Variants in DENND2D observed in about 807,000 individuals in gnomAD.
DENND2D encodes the protein DENN domain containing 2D, also known as DENN domain-containing protein 2D.
A neutral mutation model predicts 59.8 loss-of-function variants in DENND2D; 37 were observed. That is an observed-to-expected ratio of 0.62 (90% CI 0.48 to 0.81). The LOEUF is 0.81. DENND2D is among the 40% of genes least tolerant of loss of function. The probability of loss-of-function intolerance (pLI) is 0.00; values close to 1 mark genes in which losing one functional copy is unlikely to be tolerated. For synonymous variants in DENND2D, 219 were observed against 211.3 expected, an observed-to-expected ratio of 1.04 and a Z score of -0.31; for missense variants, 525 against 579.7, an observed-to-expected ratio of 0.91 and a Z score of 0.97.
Position 111,197,841 on chromosome 1 carries a change from GC to G in DENND2D, c.426+78del. On this transcript the variant is annotated intron_variant, in intron 4 of 11. Transcript: ENST00000357640. ...GTGCTGCCAATAAGCCCGGAGTTTT[GC>G]AGCTCAGGCTTGAGCAAGCCCAGCC... 1.2e-5 allele frequency: 19 copies of G among 1,596,426 alleles called. 1 individual carries two copies. In the South Asian group the frequency reaches 2.0e-4, roughly 17 times the overall value.
At chr1:111,202,274 T>C (rs1052341521), upstream of DENND2D, 1 of 152,116 alleles carries the variant, frequency 6.6e-6, no homozygotes, top group Non-Finnish European at 1.5e-5. Context: ...TAATAAATCA[T>C]TGACAAAAGA....
chr1:111,194,059 G>A (rs1658001804), intron 7 of DENND2D, among the ~76,000 whole-genome samples: 1 of 152,184 alleles, frequency 6.6e-6, no homozygotes, highest in Non-Finnish European at 1.5e-5. Context: ...ATAGCTAAAG[G>A]TAGAAGAACT....
At chr1:111,192,023 C>CAGGCTCCA (rs1657822075) in intron 8 of DENND2D, 117 bp downstream of exon 8, 13 of 978,850 alleles carry the variant, frequency 1.3e-5, no homozygotes, top group Non-Finnish European at 1.9e-5. Flanking sequence ...TGAGAAAGCT[C>CAGGCTCCA]AGGCTTAAAG....
At chr1:111,193,347 C>T (rs1002303302) in intron 7 of DENND2D, among the ~76,000 whole-genome samples, 4 of 152,142 alleles carry the variant, frequency 2.6e-5, no homozygotes, top group African/African-American at 4.8e-5. Flanking sequence ...AGAAAGTAAA[C>T]GTCTGAGAGG....
upstream of DENND2D, among the ~76,000 whole-genome samples, chr1:111,202,993 G>A (rs1460665402): frequency 6.6e-6 from 1 of 152,206 alleles, no homozygotes; most frequent in Admixed American, 6.5e-5. Context: ...CATTCACACA[G>A]ATGTCCCAGG....
chr1:111,194,666 A>G lies in DENND2D; in HGVS notation c.706T>C (p.Leu236=). 5 of 1,614,114 alleles carry G rather than the reference A, an allele frequency of 3.1e-6. No homozygotes were observed. The highest frequency in any genetic ancestry group is 4.2e-6 in the Non-Finnish European group (5 of 1,180,004). ...HLEHVDFSSL[L]HCLSFEQILQ... ...ATCTGTTCAAAACTGAGACAGTGCA[A>G]TAGAGAACTAAAATCCACATGTTCT... Residue 236 remains leucine (L), a synonymous_variant, in exon 7 of 12, where the codon TTG becomes CTG. Transcript: ENST00000357640.
At chr1:111,194,797 C>T (rs1013412742) in intron 6 of DENND2D, 71 bp from the exon 7 acceptor site, 2 of 1,515,998 alleles carry the variant, frequency 1.3e-6, no homozygotes, top group Admixed American at 1.8e-5. Flanking sequence ...GGTGCTAGGC[C>T]TCTACCAGCC....
Position 111,192,305 on chromosome 1 carries a change from C to A in DENND2D, c.807G>T (p.Gln269His), listed in dbSNP as rs763768849. 1 of 1,605,948 alleles carries A rather than the reference C, an allele frequency of 6.2e-7. No homozygotes were observed. Among genetic ancestry groups the A allele is most frequent in the Non-Finnish European group, 8.5e-7 (1 of 1,174,814 alleles). The change falls in exon 8 of 12, where the codon CAG (glutamine) becomes CAT (histidine). Residue 269 changes from glutamine to histidine, a missense_variant. Transcript: ENST00000357640. Reference sequence around the variant, plus strand: ...GCAGTGCGGCAGCAGCATGGATGCACTGAGACAAGGTGCTGGGACAGAGCA... The same window carrying A: ...GCAGTGCGGCAGCAGCATGGATGCAATGAGACAAGGTGCTGGGACAGAGCA... ...FLAEGLSTLSQCIHAAAALLY... is the reference protein window; with the variant it reads ...FLAEGLSTLSHCIHAAAALLY...
intron 3 of DENND2D, among the ~76,000 whole-genome samples, chr1:111,198,384 G>A (rs976724509): frequency 6.6e-6 from 1 of 152,216 alleles, no homozygotes; most frequent in Non-Finnish European, 1.5e-5. Flanking sequence ...AGAGTTAAAA[G>A]CAGCAACTAT....
At chr1:111,194,781 C>A (rs1571187123) in intron 6 of DENND2D, 55 bp from the exon 7 acceptor site, 7 of 1,591,206 alleles carry the variant, frequency 4.4e-6, no homozygotes, top group South Asian at 1.1e-5. Context: ...ATCATGCAGA[C>A]CCCGAGGTGC....
In DENND2D at chr1:111,197,205, A is replaced by C; in HGVS notation, c.475T>G (p.Cys159Gly). The change falls in exon 5 of 12, where the codon TGC becomes GGC. Residue 159 changes from cysteine (C) to glycine (G), a missense_variant. Coordinates refer to ENST00000357640, the MANE Select transcript of DENND2D (RefSeq NM_024901.5). ...RLPKVYCIIS[C>G]IGCFGLFSKI... ...GAGAACAAGCCGAAGCAGCCGATGC[A>C]GCTGATGATGCAGTACACTTTGGGA... 1 of 1,613,956 alleles carries C rather than the reference A, an allele frequency of 6.2e-7. No individual in the cohort carries two copies. The highest frequency in any genetic ancestry group is 8.5e-7 in the Non-Finnish European group (1 of 1,179,976).
intron 4 of DENND2D, chr1:111,197,588 C>G (rs1212652437): frequency 7.4e-7 from 1 of 1,352,042 alleles, no homozygotes; most frequent in African/African-American, 1.5e-5. Flanking sequence ...AGATTTGAAA[C>G]TAATTGTCCA....
chr1:111,198,001 C>A lies in DENND2D; in HGVS notation c.357-12G>T. ...AGGAGAAGGTCTCCCTAAGAAAGAG[C>A]AGACAAGGCTTGATTTGTATTGCTC... On this transcript the variant is annotated splice_polypyrimidine_tract_variant and intron_variant, in intron 3 of 11. Transcript: ENST00000357640. The A allele has an allele frequency of 6.2e-7, 1 of 1,613,294 alleles. No individual in the cohort carries two copies.
rs1180549238 is a variant in DENND2D at position 111,192,232 on chromosome 1, T to A, written c.880A>T (p.Ser294Cys). The part of the protein sequence containing the change: ...AHTYIPVVPE[S>C]LLATVCCPTP... ...GGGCAGCAGACGGTGGCCAGAAGGC[T>A]CTCAGGGACAACAGGGATGTAGGTG... is the stretch of plus-strand genomic sequence containing the variant. The change falls in exon 8 of 12, where the codon AGC becomes TGC. Residue 294 changes from serine to cysteine, a missense_variant. This residue lies in a region of DENND2D where 225 missense variants were observed against 252.4 expected (regional missense o/e 0.89). Coordinates refer to ENST00000357640, the MANE Select transcript of DENND2D (RefSeq NM_024901.5). The A allele has an allele frequency of 5.0e-6, 8 of 1,613,896 alleles. No individual in the cohort carries two copies. The highest frequency in any genetic ancestry group is 2.5e-6 in the Non-Finnish European group (3 of 1,179,912).
intron 4 of DENND2D, chr1:111,197,585 A>C: frequency 7.4e-7 from 1 of 1,353,636 alleles, no homozygotes; most frequent in Non-Finnish European, 9.5e-7. Flanking sequence ...CTAAGATTTG[A>C]AACTAATTGT....
At position 111,199,785 on chromosome 1, in the gene DENND2D, G is replaced by T. The variant is rs1028595632; in HGVS notation, c.81C>A (p.Asp27Glu). ...GTTCCTTTAAAGCTTCCCCTGAATT[G>T]TCCTGGGGTGGTCCTGAAATCAAGC... ...LLQLRAGPPQDNSGEALKEPE... is the reference protein window; with the variant it reads ...LLQLRAGPPQENSGEALKEPE... The change falls in exon 2 of 12, where the codon GAC (aspartate) becomes GAA (glutamate). Residue 27 changes from aspartate (D) to glutamate (E), a missense_variant. By Grantham distance (45) the Asp-to-Glu change is conservative. Around this residue, in one of 3 missense-constraint regions of DENND2D, gnomAD observed 253 missense variants for 246.4 expected, o/e 1.03. Transcript: ENST00000357640. The T allele has an allele frequency of 9.9e-6, 16 of 1,612,604 alleles. No individual in the cohort carries two copies. Among genetic ancestry groups the T allele is most frequent in the Non-Finnish European group, 1.3e-5 (15 of 1,179,580 alleles).
chr1:111,193,532 T>C (rs935725897), intron 7 of DENND2D, among the ~76,000 whole-genome samples: 5 of 152,238 alleles, frequency 3.3e-5, no homozygotes, highest in African/African-American at 1.2e-4. Flanking sequence ...AGTTCCTCTT[T>C]GGTTATCACC....
At chr1:111,197,768 G>T in intron 4 of DENND2D, 152 bp downstream of exon 4, 8 of 1,449,970 alleles carry the variant, frequency 5.5e-6, no homozygotes, top group Non-Finnish European at 6.3e-6. Context: ...GCTGCAGAGG[G>T]AGCACTAGCA....
intron 5 of DENND2D, 25 bp from the exon 6 acceptor site, chr1:111,196,081 G>A: frequency 6.3e-7 from 1 of 1,588,010 alleles, no homozygotes; most frequent in Non-Finnish European, 8.6e-7. Context: ...ACCACGGGAG[G>A]CACGGCTCAA....
Sources: allele counts gnomAD v4.1 joint callset (sites outside exome capture counted in the v4.1 genomes callset), GRCh38; gene constraint gnomAD v4.1.1; regional missense constraint gnomAD v4.1.1; transcripts MANE v1.5; gene names NCBI Gene and HGNC (gene_info 2026-07-23, HGNC 2026-07-21).